Variants in RARB observed in about 807,000 individuals in gnomAD.
RARB encodes retinoic acid receptor beta.
In RARB, 17 loss-of-function variants were observed where a neutral mutation model predicts 51.9. That is an observed-to-expected ratio of 0.33 (90% CI 0.22 to 0.49). The LOEUF (loss-of-function observed/expected upper bound fraction) is 0.49, where lower values mean the gene tolerates loss of function less well. Ranked by LOEUF, RARB falls within the 20% of genes least tolerant of loss-of-function variation. RARB has a pLI of 0.99. For synonymous variants in RARB, 215 were observed against 195.4 expected (o/e 1.10, Z -0.84); for missense variants, 369 against 550.8 (o/e 0.67, Z 3.30).
At chr3:25,269,368 T>C (rs1703198520) in intron 5 of RARB, among the ~76,000 whole-genome samples, 2 of 152,176 alleles carry the variant, frequency 1.3e-5, no homozygotes. Context: ...CATCCATCAT[T>C]GAGAGGTAGG....
At chr3:24,917,227 A>G (rs1187176029) in intron 2 of RARB, among the ~76,000 whole-genome samples, 1 of 152,220 alleles carries the variant, frequency 6.6e-6, no homozygotes, top group Non-Finnish European at 1.5e-5. Context: ...CTAAAATCAA[A>G]AAAGTTTTAG....
intron 4 of RARB, among the ~76,000 whole-genome samples, chr3:25,163,504 A>AAAAAAAATATATATATATAT (rs1303712411): frequency 1.5e-5 from 2 of 131,096 alleles, no homozygotes; most frequent in Admixed American, 7.3e-5. Context: ...CCTATCTCAA[A>AAAAAAAATATATATATATAT]ATATATATAT....
At chr3:25,432,435 G>C (rs1445962562) in intron 1 of RARB, among the ~76,000 whole-genome samples, 1 of 152,182 alleles carries the variant, frequency 6.6e-6, no homozygotes, top group Non-Finnish European at 1.5e-5. Flanking sequence ...AGCCAATAAT[G>C]TAAAGCCCTT....
intron 3 of RARB, among the ~76,000 whole-genome samples, chr3:25,122,514 G>C (rs1699799988): frequency 6.6e-6 from 1 of 152,122 alleles, no homozygotes. Context: ...TATGCAGAAT[G>C]CATGGTTAAG....
chr3:25,427,511 T>C (rs1367079686), upstream of RARB, among the ~76,000 whole-genome samples: 1 of 152,200 alleles, frequency 6.6e-6, no homozygotes, highest in African/African-American at 2.4e-5. Context: ...TACTGTTTTT[T>C]CAAGTCCAGA....
intron 2 of RARB, among the ~76,000 whole-genome samples, chr3:24,930,815 AC>A (rs1206687735): frequency 1.3e-5 from 2 of 152,126 alleles, no homozygotes; most frequent in East Asian, 3.9e-4. Flanking sequence ...TAGAGACCAG[AC>A]TGGGCAACAT....
rs562298760 is a variant in RARB, at chr3:25,035,544, A to G, written c.-379-24581A>G. Among the ~76,000 whole-genome samples the G allele has an allele frequency of 3.7e-4, 56 of 152,094 alleles. No individual in the cohort carries two copies. The South Asian group carries it at 9.1e-3, about 25-fold the overall frequency. ...TACATTGAAGGAAGTGATGCAGCCA[A>G]CATTCAGGTACAGAAAAATAGAATC... On this transcript the variant is annotated intron_variant, in intron 2 of 11. Transcript: ENST00000383772.
At chr3:25,213,673 T>G (rs1701751696) in intron 5 of RARB, among the ~76,000 whole-genome samples, 1 of 152,164 alleles carries the variant, frequency 6.6e-6, no homozygotes, top group Non-Finnish European at 1.5e-5. Flanking sequence ...TTAAACAAAA[T>G]GGAAGTCAGT....
chr3:24,857,703 G>A (rs1447694566), intron 1 of RARB, among the ~76,000 whole-genome samples: 1 of 152,110 alleles, frequency 6.6e-6, no homozygotes, highest in South Asian at 2.1e-4. Flanking sequence ...ATCATTGAGC[G>A]TAGGAGTTCA....
At chr3:24,865,673 C>T (rs1302126004) in intron 2 of RARB, among the ~76,000 whole-genome samples, 3 of 152,232 alleles carry the variant, frequency 2.0e-5, no homozygotes, top group African/African-American at 7.2e-5. Context: ...TTTTTCTATG[C>T]TAATAGTTCT....
chr3:25,187,124 C>T (rs921268688), intron 5 of RARB, among the ~76,000 whole-genome samples: 1 of 152,022 alleles, frequency 6.6e-6, no homozygotes, highest in Non-Finnish European at 1.5e-5. Context: ...GGGAGGGAAC[C>T]TCTCAAATGA....
intron 2 of RARB, among the ~76,000 whole-genome samples, chr3:25,500,882 G>A (rs1697278416): frequency 6.6e-6 from 1 of 152,122 alleles, no homozygotes; most frequent in Admixed American, 6.5e-5. Flanking sequence ...ATGAAGCTAA[G>A]CCTGTTTGGA....
intron 5 of RARB, among the ~76,000 whole-genome samples, chr3:25,175,528 A>G (rs923034061): frequency 6.6e-6 from 1 of 152,190 alleles, no homozygotes; most frequent in Admixed American, 6.5e-5. Context: ...TCGTGCCTTC[A>G]GTCATTCCTT....
At chr3:25,336,683 G>A (rs1490762652) in intron 5 of RARB, among the ~76,000 whole-genome samples, 2 of 152,246 alleles carry the variant, frequency 1.3e-5, no homozygotes, top group African/African-American at 4.8e-5. Flanking sequence ...GACATTTATG[G>A]CCACCTCTCT....
chr3:25,287,287 G>A (rs1370986434), intron 5 of RARB, among the ~76,000 whole-genome samples: 1 of 152,054 alleles, frequency 6.6e-6, no homozygotes, highest in Non-Finnish European at 1.5e-5. Context: ...TTCTGACGTG[G>A]TTTTATTTTT....
intron 2 of RARB, among the ~76,000 whole-genome samples, chr3:25,010,259 A>G (rs1245932100): frequency 1.3e-5 from 2 of 152,074 alleles, no homozygotes; most frequent in Non-Finnish European, 2.9e-5. Context: ...TACCTTTTCC[A>G]AACTTAAATT....
intron 5 of RARB, among the ~76,000 whole-genome samples, chr3:25,179,184 A>AT (rs1259326398): frequency 1.3e-4 from 20 of 152,116 alleles, no homozygotes; most frequent in African/African-American, 4.6e-4. Context: ...TCTTATTTCT[A>AT]TTTTTTGTCT....
At chr3:25,326,835 T>A (rs1704730419) in intron 5 of RARB, among the ~76,000 whole-genome samples, 1 of 152,122 alleles carries the variant, frequency 6.6e-6, no homozygotes, top group Admixed American at 6.5e-5. Flanking sequence ...GGGATTTTTT[T>A]TTTTAATTTT....
At chr3:25,124,414 G>A (rs192142136) in intron 3 of RARB, among the ~76,000 whole-genome samples, 5 of 152,126 alleles carry the variant, frequency 3.3e-5, no homozygotes, top group Admixed American at 6.5e-5. Context: ...TTTATTTCCC[G>A]AACTTTCTTA....
Sources: allele counts gnomAD v4.1 joint callset (sites outside exome capture counted in the v4.1 genomes callset), GRCh38; gene constraint gnomAD v4.1.1; transcripts MANE v1.5; gene names NCBI Gene and HGNC (gene_info 2026-07-23, HGNC 2026-07-21).